The following PSD2 variants were observed in gnomAD, a reference collection of about 807,000 sequenced individuals.
PSD2 encodes PH and SEC7 domain-containing protein 2.
A neutral mutation model predicts 69.8 loss-of-function variants in PSD2; 38 were observed. The ratio of observed to expected loss-of-function variants is 0.54; its 90% CI spans 0.42 to 0.71. PSD2 has a LOEUF of 0.71. Among genes scored for constraint, PSD2 ranks in the 30% least tolerant of loss-of-function variants. The pLI is 0.00. For synonymous variants in PSD2, 412 were observed against 423.0 expected (o/e 0.97, Z 0.32); for missense variants, 943 against 1,014.5 (o/e 0.93, Z 0.96).
chr5:139,823,116 G>C (rs770701228), intron 7 of PSD2, among the ~76,000 whole-genome samples: 1 of 152,142 alleles, frequency 6.6e-6, no homozygotes, highest in African/African-American at 2.4e-5. Context: ...TTGAAATACC[G>C]TGCTCGGGGC....
chr5:139,772,009 G>A, the PSD2 span, among the ~76,000 whole-genome samples: 2 of 152,188 alleles, frequency 1.3e-5, no homozygotes, highest in Admixed American at 6.5e-5. Context: ...TGAGGGAGAG[G>A]TAGTGGGTTC....
the PSD2 span, among the ~76,000 whole-genome samples, chr5:139,766,928 C>CTTTCTTTCTTTCTCT: frequency 3.2e-5 from 1 of 31,186 alleles, no homozygotes; most frequent in Non-Finnish European, 6.4e-5. Flanking sequence ...TTCCTTCCTT[C>CTTTCTTTCTTTCTCT]CCTTCTTTCT....
chr5:139,814,444 T>C lies in PSD2; in HGVS notation c.1016+80T>C, dbSNP rs539607878. 28 of 1,344,656 alleles carry C rather than the reference T, an allele frequency of 2.1e-5. 1 individual carries two copies. The South Asian group carries it at 3.5e-4, about 17-fold the overall frequency. The allele number at this position is 1,344,656 out of a possible 1,614,324, so 83.3% of individuals were successfully genotyped here. On this transcript the variant is annotated intron_variant, in intron 4 of 14. Coordinates refer to ENST00000274710, the MANE Select transcript of PSD2 (RefSeq NM_032289.4). The surrounding 1 kb of genome is among the most constrained non-coding windows in gnomAD (Gnocchi z 4.4). ...CCTGAAGAGGGTGTGGGTGACCTTC[T>C]TCAGGGGTGCCAGGTGCTGGGGGGG...
the PSD2 span, among the ~76,000 whole-genome samples, chr5:139,765,250 C>T: frequency 1.3e-5 from 2 of 152,110 alleles, no homozygotes; most frequent in Non-Finnish European, 2.9e-5. Flanking sequence ...TTCAGTACCC[C>T]CAGTGCCTAC....
At chr5:139,808,066 C>T (rs1203744663) in intron 1 of PSD2, among the ~76,000 whole-genome samples, 2 of 152,248 alleles carry the variant, frequency 1.3e-5, no homozygotes, top group Admixed American at 1.3e-4. Flanking sequence ...CAGCCAGTGC[C>T]TCTCTTGAAC....
intron 7 of PSD2, among the ~76,000 whole-genome samples, chr5:139,830,845 T>TTTTTTTTTTC (rs1760584058): frequency 7.5e-6 from 1 of 133,382 alleles, no homozygotes; most frequent in Non-Finnish European, 1.6e-5. Flanking sequence ...TTTTTTTTTT[T>TTTTTTTTTTC]ATTGATTCAA....
chr5:139,840,232 C>T (rs1269832426), intron 14 of PSD2, 62 bp downstream of exon 14: 4 of 1,579,940 alleles, frequency 2.5e-6, no homozygotes, highest in Admixed American at 1.7e-5. Context: ...TCCTGCCTGG[C>T]CTGATGTGGG....
At chr5:139,828,738 A>G (rs1452334480) in intron 7 of PSD2, among the ~76,000 whole-genome samples, 1 of 152,090 alleles carries the variant, frequency 6.6e-6, no homozygotes, top group Non-Finnish European at 1.5e-5. Flanking sequence ...TGGAAATCAG[A>G]CTTGTGGGAA....
chr5:139,787,595 CTGG>C, the PSD2 span, among the ~76,000 whole-genome samples: 3 of 152,262 alleles, frequency 2.0e-5, no homozygotes, highest in African/African-American at 7.2e-5. Flanking sequence ...AGGAGTCCGC[CTGG>C]TGCCGCGGGT....
the PSD2 span, among the ~76,000 whole-genome samples, chr5:139,786,888 C>A: frequency 6.6e-6 from 1 of 152,160 alleles, no homozygotes; most frequent in African/African-American, 2.4e-5. Flanking sequence ...AGAAAGATCA[C>A]ATTTGAAAGC....
At chr5:139,744,504 T>A in the PSD2 span, among the ~76,000 whole-genome samples, 3 of 152,144 alleles carry the variant, frequency 2.0e-5, no homozygotes, top group African/African-American at 7.2e-5. Context: ...TGCTCGCCTG[T>A]AGAGCTGTGG....
chr5:139,771,848 G>A, the PSD2 span, among the ~76,000 whole-genome samples: 1 of 152,162 alleles, frequency 6.6e-6, no homozygotes, highest in Admixed American at 6.6e-5. Context: ...CTGGCCTTGG[G>A]GGGCATCTTC....
intron 2 of PSD2, among the ~76,000 whole-genome samples, chr5:139,812,525 T>C (rs1759996558): frequency 6.6e-6 from 1 of 152,146 alleles, no homozygotes; most frequent in Non-Finnish European, 1.5e-5. Context: ...GCTCCCTGGC[T>C]TTGCAAAGCT....
chr5:139,839,999 C>T lies in PSD2; in HGVS notation c.1969-28C>T, dbSNP rs1483045639. On this transcript the variant is annotated intron_variant, in intron 13 of 14. Transcript: ENST00000274710. This position sits in a 1 kb window ranked among gnomAD's most constrained non-coding sequence, Gnocchi z 5.1. ...ACTCCGTGACATCCTGAGAGTAAGG[C>T]CTCACAGTCCAGGATTTGTCTTTGC... The T allele has an allele frequency of 1.2e-6, 2 of 1,613,130 alleles. No homozygotes were observed. Among genetic ancestry groups the T allele is most frequent in the Non-Finnish European group, 1.7e-6 (2 of 1,179,404 alleles).
chr5:139,809,629 C>T lies in PSD2; in HGVS notation c.189C>T (p.Asp63=), dbSNP rs1759904438. ...TPADTEEPTK[D]PDVAFHGLSL... Reference sequence around the variant, plus strand: ...CGGACACTGAGGAACCCACGAAGGACCCAGATGTGGCCTTCCATGGCCTCA... The same window carrying T: ...CGGACACTGAGGAACCCACGAAGGATCCAGATGTGGCCTTCCATGGCCTCA... The change falls in exon 2 of 15, where the codon GAC becomes GAT. Residue 63 remains aspartate (D), a synonymous_variant. Transcript: ENST00000274710. The T allele has an allele frequency of 1.2e-6, 2 of 1,614,260 alleles. No homozygotes were observed. The highest frequency in any genetic ancestry group is 1.7e-6 in the Non-Finnish European group (2 of 1,180,048).
At chr5:139,748,952 G>T in the PSD2 span, among the ~76,000 whole-genome samples, 1 of 152,292 alleles carries the variant, frequency 6.6e-6, no homozygotes, top group East Asian at 1.9e-4. Flanking sequence ...GCCCCCTGCG[G>T]ATCCTCGGGA....
intron 7 of PSD2, among the ~76,000 whole-genome samples, chr5:139,825,627 T>C (rs1412282864): frequency 7.2e-6 from 1 of 139,192 alleles, no homozygotes; most frequent in Non-Finnish European, 1.5e-5. Flanking sequence ...AGGGTGGCTT[T>C]GGCATGTGGC....
chr5:139,782,735 C>T, the PSD2 span, among the ~76,000 whole-genome samples: 10 of 152,164 alleles, frequency 6.6e-5, no homozygotes, highest in Middle Eastern at 3.4e-3. Context: ...TCAGGCAATC[C>T]TCCCACCTCG....
At chr5:139,749,849 C>G in the PSD2 span, among the ~76,000 whole-genome samples, 1 of 110,660 alleles carries the variant, frequency 9.0e-6, no homozygotes, top group Admixed American at 8.0e-5. Context: ...AACAAACAAA[C>G]AAAAACAAAC....
Sources: allele counts gnomAD v4.1 joint callset (sites outside exome capture counted in the v4.1 genomes callset), GRCh38; gene constraint gnomAD v4.1.1; non-coding constraint Gnocchi (gnomAD v3.1); transcripts MANE v1.5; gene names NCBI Gene and HGNC (gene_info 2026-07-23, HGNC 2026-07-21).